ANKS1A: variants seen among roughly 807,000 people sequenced by gnomAD.
ANKS1A encodes the protein ankyrin repeat and sterile alpha motif domain containing 1A.
ANKS1A carries 55 observed loss-of-function variants against 120.3 expected under a neutral mutation model. That is an observed-to-expected ratio of 0.46 (90% CI 0.37 to 0.57). ANKS1A has a LOEUF of 0.57. Ranked by LOEUF, ANKS1A falls within the 20% of genes least tolerant of loss-of-function variation. The pLI, the probability that ANKS1A is intolerant of heterozygous loss-of-function variation, is 0.00. For missense variants in ANKS1A, 1,123 were observed against 1,480.3 expected, an observed-to-expected ratio of 0.76 and a Z score of 3.96; for synonymous variants, 590 against 604.7, an observed-to-expected ratio of 0.98 and a Z score of 0.36.
Position 34,981,977 on chromosome 6 carries a change from C to T in ANKS1A, c.723C>T (p.Ser241=), listed in dbSNP as rs748842765. 1.2e-6 allele frequency: 2 copies of T among 1,613,784 alleles called. No individual in the cohort carries two copies. Among genetic ancestry groups the T allele is most frequent in the Non-Finnish European group, 1.7e-6 (2 of 1,179,840 alleles). ...VQVLLDAGMD[S]NYQTEMGSAL... The stretch of plus-strand genomic sequence containing the variant: ...TCCTCCTCGATGCTGGCATGGACAG[C>T]AACTACCAGGTAGCAGGGCGGGTGG... Residue 241 remains serine, a synonymous_variant, in exon 4 of 24, where the codon AGC becomes AGT. Coordinates refer to ENST00000360359, the MANE Select transcript of ANKS1A (RefSeq NM_015245.3).
At chr6:35,036,043 T>G (rs1490959370) in intron 11 of ANKS1A, among the ~76,000 whole-genome samples, 1 of 152,228 alleles carries the variant, frequency 6.6e-6, no homozygotes, top group African/African-American at 2.4e-5. Flanking sequence ...CTTCAGCAGT[T>G]GGAGTGATTA....
At position 34,985,144 on chromosome 6, in the gene ANKS1A, G is replaced by A. The variant is rs201587766; in HGVS notation, c.1075G>A (p.Gly359Ser). ...IDFDANAEEE[G>S]PYEALYNAIS... ...TTTTGATGCAAATGCTGAAGAAGAG[G>A]GTCCCTACGAAGCTCTGTATAATGC... Residue 359 changes from glycine (G) to serine (S), a missense_variant, in exon 8 of 24, where the codon GGT becomes AGT. By Grantham distance (56) the Gly-to-Ser change is moderately conservative. This residue lies in a region of ANKS1A where 904 missense variants were observed against 1,130.4 expected (regional missense o/e 0.80). Coordinates refer to ENST00000360359, the MANE Select transcript of ANKS1A (RefSeq NM_015245.3). 6 of 1,614,086 alleles carry A rather than the reference G, an allele frequency of 3.7e-6. No individual in the cohort carries two copies. Among genetic ancestry groups the A allele is most frequent in the South Asian group, 2.2e-5 (2 of 91,076 alleles).
chr6:35,075,070 A>G (rs1460773412), intron 13 of ANKS1A, among the ~76,000 whole-genome samples: 2 of 152,250 alleles, frequency 1.3e-5, no homozygotes, highest in African/African-American at 2.4e-5. Context: ...ATTGGGGGGA[A>G]AAGATAGCTC....
rs187226782 is a variant in ANKS1A at position 35,080,144 on chromosome 6, T to C, written c.2544+216T>C. Among the ~76,000 whole-genome samples the C allele has an allele frequency of 1.5e-3, 226 of 152,058 alleles. 2 individuals carry two copies. Among genetic ancestry groups the C allele is most frequent in the African/African-American group, 5.1e-3 (213 of 41,472 alleles). On this transcript the variant is annotated intron_variant, in intron 16 of 23. Transcript: ENST00000360359. ...CAAACACATAAAACTTGGGGGATAG[T>C]AGGAAAACACCAGGCCATGGCTGGG...
intron 7 of ANKS1A, 146 bp downstream of exon 7, chr6:34,983,571 C>G: frequency 2.9e-6 from 2 of 700,952 alleles, no homozygotes; most frequent in Non-Finnish European, 4.8e-6. Context: ...TTTTTGCCAA[C>G]TACTATGTGA....
chr6:34,979,844 T>A (rs538661083), intron 3 of ANKS1A, among the ~76,000 whole-genome samples: 1 of 152,204 alleles, frequency 6.6e-6, no homozygotes, highest in Non-Finnish European at 1.5e-5. Flanking sequence ...CCTTTTAAAC[T>A]TCTTTGGGTT....
chr6:34,930,571 G>C (rs944384046), intron 1 of ANKS1A, among the ~76,000 whole-genome samples: 2 of 152,208 alleles, frequency 1.3e-5, no homozygotes, highest in African/African-American at 4.8e-5. Context: ...TTAGGGTTGA[G>C]CGAGATGTCC....
intron 1 of ANKS1A, among the ~76,000 whole-genome samples, chr6:34,903,138 T>A (rs962051204): frequency 2.4e-4 from 37 of 152,192 alleles, no homozygotes; most frequent in African/African-American, 7.7e-4. Context: ...TAGTAGAAGC[T>A]AAAGCCAATA....
At chr6:34,895,463 T>A (rs1767022871) in intron 1 of ANKS1A, among the ~76,000 whole-genome samples, 1 of 152,218 alleles carries the variant, frequency 6.6e-6, no homozygotes, top group African/African-American at 2.4e-5. Context: ...GAGATTATAA[T>A]GGCGTGACAG....
chr6:35,045,216 T>G (rs1313541503), intron 11 of ANKS1A, among the ~76,000 whole-genome samples: 3 of 152,222 alleles, frequency 2.0e-5, no homozygotes, highest in Non-Finnish European at 4.4e-5. Context: ...CATAATAAAT[T>G]AACTCCTCAT....
intron 11 of ANKS1A, among the ~76,000 whole-genome samples, chr6:35,048,401 C>CGCCT (rs1282988858): frequency 1.3e-5 from 2 of 152,256 alleles, no homozygotes; most frequent in East Asian, 3.9e-4. Flanking sequence ...CATGTCTGGT[C>CGCCT]GCCTCGGCAA....
At chr6:35,051,188 T>C (rs1483280981) in intron 11 of ANKS1A, among the ~76,000 whole-genome samples, 1 of 151,562 alleles carries the variant, frequency 6.6e-6, no homozygotes, top group Non-Finnish European at 1.5e-5. Context: ...AGCAAGACCA[T>C]GTCTCAAAGA....
At chr6:34,941,507 A>G (rs1195315756) in intron 1 of ANKS1A, among the ~76,000 whole-genome samples, 3 of 152,118 alleles carry the variant, frequency 2.0e-5, no homozygotes, top group African/African-American at 4.8e-5. Flanking sequence ...GGCTCAAGCA[A>G]TCCTCCCACC....
intron 1 of ANKS1A, among the ~76,000 whole-genome samples, chr6:34,944,734 C>T (rs867638635): frequency 1.6e-4 from 24 of 152,178 alleles, no homozygotes; most frequent in Admixed American, 8.5e-4. Flanking sequence ...TCTGCAAATA[C>T]GGTTTCGTTG....
Position 35,060,308 on chromosome 6 carries a change from T to A in ANKS1A, c.2184+55T>A. ...GGGTGCTGCTCAGTGGAAACAGGCC[T>A]CCCTGGCCTCCCCTCTGGCCCCACA... On this transcript the variant is annotated intron_variant, in intron 13 of 23. Transcript: ENST00000360359. The surrounding 1 kb of genome is among the most constrained non-coding windows in gnomAD (Gnocchi z 4.5). The A allele has an allele frequency of 6.8e-7, 1 of 1,469,404 alleles. No homozygotes were observed. Among genetic ancestry groups the A allele is most frequent in the South Asian group, 1.2e-5 (1 of 83,634 alleles). The allele number at this position is 1,469,404 out of a possible 1,614,324, so 91.0% of individuals were successfully genotyped here.
At chr6:35,094,792 A>C (rs1778408973), downstream of ANKS1A, among the ~76,000 whole-genome samples, 1 of 152,084 alleles carries the variant, frequency 6.6e-6, no homozygotes, top group Non-Finnish European at 1.5e-5. Flanking sequence ...GACCTGTGTG[A>C]CCATAACAAA....
At chr6:34,891,569 A>G (rs1317099951) in intron 1 of ANKS1A, among the ~76,000 whole-genome samples, 3 of 152,188 alleles carry the variant, frequency 2.0e-5, no homozygotes, top group African/African-American at 7.2e-5. Context: ...CTTAACCCTC[A>G]GCATATCCTG....
At chr6:35,076,472 A>G (rs1777363887) in intron 13 of ANKS1A, among the ~76,000 whole-genome samples, 1 of 152,222 alleles carries the variant, frequency 6.6e-6, no homozygotes, top group African/African-American at 2.4e-5. Flanking sequence ...GGTGTCCCCA[A>G]GTGTGCGGCA....
intron 13 of ANKS1A, among the ~76,000 whole-genome samples, chr6:35,073,290 CCCCTT>C (rs1777167882): frequency 1.3e-5 from 2 of 152,216 alleles, no homozygotes; most frequent in South Asian, 4.1e-4. Flanking sequence ...TTCTTGCTGT[CCCCTT>C]CCCTTGAGTT....
Sources: gnomAD v4.1 joint callset for allele counts (sites outside exome capture counted in the v4.1 genomes callset) on GRCh38, gnomAD v4.1.1 for gene constraint, gnomAD v4.1.1 regional missense constraint, Gnocchi (gnomAD v3.1) non-coding constraint, MANE v1.5 for transcripts, NCBI Gene and HGNC (gene_info 2026-07-23, HGNC 2026-07-21) for gene names.